Variants in C7orf78 observed in about 807,000 individuals in gnomAD.
C7orf78 encodes chromosome 7 open reading frame 78, also known as putative uncharacterized protein C7orf78.
the C7orf78 span, among the ~76,000 whole-genome samples, chr7:12,520,376 C>T: frequency 4.2e-4 from 64 of 152,300 alleles, 1 homozygote; most frequent in Non-Finnish European, 8.1e-4. Flanking sequence ...ATATTTATTG[C>T]TGTAAACTTC....
the C7orf78 span, among the ~76,000 whole-genome samples, chr7:12,539,139 C>A: frequency 3.9e-5 from 6 of 152,246 alleles, no homozygotes; most frequent in East Asian, 7.7e-4. Context: ...TCAGGGCTTT[C>A]CCCCAAGGGT....
At chr7:12,520,781 G>T in the C7orf78 span, among the ~76,000 whole-genome samples, 5 of 152,214 alleles carry the variant, frequency 3.3e-5, no homozygotes, top group South Asian at 6.2e-4. Context: ...CTTCTTCATG[G>T]ATTTTGTCTA....
chr7:12,510,426 A>G, the C7orf78 span, among the ~76,000 whole-genome samples: 4 of 152,140 alleles, frequency 2.6e-5, no homozygotes, highest in Admixed American at 1.3e-4. Flanking sequence ...CCTTTGGAAA[A>G]ATATTCCACA....
chr7:12,526,464 C>G, the C7orf78 span, among the ~76,000 whole-genome samples: 4 of 152,092 alleles, frequency 2.6e-5, no homozygotes, highest in African/African-American at 4.8e-5. Flanking sequence ...GGGACAATAT[C>G]TGAATGCTAT....
chr7:12,508,571 A>G, the C7orf78 span, among the ~76,000 whole-genome samples: 6 of 152,338 alleles, frequency 3.9e-5, no homozygotes, highest in South Asian at 8.3e-4. Context: ...ATGTACTTTG[A>G]TAGTTTGTAT....
the C7orf78 span, among the ~76,000 whole-genome samples, chr7:12,505,580 C>A: frequency 6.6e-6 from 1 of 152,096 alleles, no homozygotes; most frequent in Non-Finnish European, 1.5e-5. Flanking sequence ...TTATTGAATG[C>A]AGATAAAGCC....
At chr7:12,526,849 T>G in the C7orf78 span, among the ~76,000 whole-genome samples, 1 of 152,032 alleles carries the variant, frequency 6.6e-6, no homozygotes, top group Non-Finnish European at 1.5e-5. Context: ...GTAATTGAAA[T>G]GGAACATCTC....
At chr7:12,500,543 C>A in the C7orf78 span, among the ~76,000 whole-genome samples, 1 of 150,196 alleles carries the variant, frequency 6.7e-6, no homozygotes, top group African/African-American at 2.5e-5. Context: ...GAAGTTGAAT[C>A]TCTGAATAGA....
the C7orf78 span, among the ~76,000 whole-genome samples, chr7:12,497,660 GGC>G: frequency 1.2e-4 from 18 of 152,240 alleles, no homozygotes; most frequent in African/African-American, 3.6e-4. Flanking sequence ...CTGGGGGAGG[GGC>G]GCCCACCATT....
At chr7:12,495,281 C>T in the C7orf78 span, among the ~76,000 whole-genome samples, 2 of 152,170 alleles carry the variant, frequency 1.3e-5, no homozygotes, top group East Asian at 3.8e-4. Flanking sequence ...AGATGGTGGC[C>T]ACAAAGTGGC....
At chr7:12,539,147 G>T in the C7orf78 span, among the ~76,000 whole-genome samples, 1 of 152,100 alleles carries the variant, frequency 6.6e-6, no homozygotes, top group Non-Finnish European at 1.5e-5. Flanking sequence ...TTCCCCCAAG[G>T]GTAGTGATGC....
the C7orf78 span, among the ~76,000 whole-genome samples, chr7:12,536,359 G>A: frequency 2.6e-5 from 4 of 152,124 alleles, no homozygotes. Flanking sequence ...GCTCTACGTT[G>A]GCCTCTTCCA....
the C7orf78 span, among the ~76,000 whole-genome samples, chr7:12,521,740 C>T: frequency 4.7e-5 from 7 of 149,236 alleles, no homozygotes; most frequent in South Asian, 1.5e-3. Context: ...AAATAACTTG[C>T]TAACCATTTT....
the C7orf78 span, among the ~76,000 whole-genome samples, chr7:12,525,540 T>C: frequency 8.4e-3 from 1,284 of 152,202 alleles, 25 homozygotes; most frequent in African/African-American, 0.03. Context: ...CTCCCTTAAT[T>C]CCACACTGTT....
the C7orf78 span, among the ~76,000 whole-genome samples, chr7:12,492,581 A>ATT: frequency 1.3e-5 from 2 of 152,162 alleles, no homozygotes. Context: ...CAAAGTCTCA[A>ATT]TTTTTTTACA....
the C7orf78 span, among the ~76,000 whole-genome samples, chr7:12,516,157 C>G: frequency 1.5e-4 from 23 of 152,194 alleles, no homozygotes; most frequent in Non-Finnish European, 1.5e-5. Context: ...GGGCCAGGCC[C>G]AGGGTCTCTG....
the C7orf78 span, among the ~76,000 whole-genome samples, chr7:12,488,243 C>G: frequency 6.6e-6 from 1 of 152,042 alleles, no homozygotes; most frequent in Admixed American, 6.6e-5. Flanking sequence ...TTCATTTGGC[C>G]ACTGCCTTTC....
At chr7:12,531,108 A>G in the C7orf78 span, 1 of 398,280 alleles carries the variant, frequency 2.5e-6, no homozygotes, top group Non-Finnish European at 4.4e-6. Flanking sequence ...CAAAAAAATT[A>G]GGATTTGTTG....
At chr7:12,519,094 G>A in the C7orf78 span, among the ~76,000 whole-genome samples, 33 of 152,186 alleles carry the variant, frequency 2.2e-4, no homozygotes, top group African/African-American at 8.0e-4. Flanking sequence ...ATGGAGATGA[G>A]GATCCCACCC....
Sources: gnomAD v4.1 joint callset for allele counts (sites outside exome capture counted in the v4.1 genomes callset) on GRCh38, gnomAD v4.1.1 for gene constraint, MANE v1.5 for transcripts, NCBI Gene and HGNC (gene_info 2026-07-23, HGNC 2026-07-21) for gene names.